Variants in COL5A2 observed in about 807,000 individuals in gnomAD.
The protein encoded by COL5A2 is collagen type V alpha 2 chain.
A neutral mutation model predicts 208.2 loss-of-function variants in COL5A2; 23 were observed. The observed-to-expected ratio is 0.11, with a 90% CI of 0.08 to 0.16. COL5A2 has a LOEUF of 0.16. Ranked by LOEUF, COL5A2 falls within the 10% of genes least tolerant of loss-of-function variation. COL5A2 has a pLI of 1.00. For synonymous variants in COL5A2, 625 were observed against 628.5 expected, an observed-to-expected ratio of 0.99 and a Z score of 0.08; for missense variants, 1,590 against 1,956.4, an observed-to-expected ratio of 0.81 and a Z score of 3.53.
At chr2:189,068,951 C>A (rs1025361112) in intron 18 of COL5A2, 67 bp from the exon 19 acceptor site, 18 of 1,132,522 alleles carry the variant, frequency 1.6e-5, no homozygotes, top group Non-Finnish European at 2.3e-5. Context: ...CAAAGTTGAC[C>A]GCTTATTTGG....
At chr2:189,402,482 G>A in the COL5A2 span, among the ~76,000 whole-genome samples, 1 of 152,158 alleles carries the variant, frequency 6.6e-6, no homozygotes, top group Non-Finnish European at 1.5e-5. Flanking sequence ...GCCCCCAAAG[G>A]GGCCAAGACA....
At chr2:189,160,417 CT>C (rs1358441377) in intron 1 of COL5A2, among the ~76,000 whole-genome samples, 2 of 152,092 alleles carry the variant, frequency 1.3e-5, no homozygotes, top group African/African-American at 4.8e-5. Context: ...TTTATCCCCC[CT>C]TTTTTTCTAT....
At chr2:189,139,634 A>T (rs1687897572) in intron 1 of COL5A2, among the ~76,000 whole-genome samples, 1 of 152,240 alleles carries the variant, frequency 6.6e-6, no homozygotes, top group Non-Finnish European at 1.5e-5. Flanking sequence ...GTTAATAGTA[A>T]AATATCAATA....
chr2:189,172,657 A>G lies in COL5A2; in HGVS notation c.97+6851T>C, dbSNP rs137897200. Reference sequence around the variant, plus strand: ...GTTCTCTCACATGATGGCTGGACCAAGCTTTATTATACTTGTTATACTACA... The same window carrying G: ...GTTCTCTCACATGATGGCTGGACCAGGCTTTATTATACTTGTTATACTACA... On this transcript the variant is annotated intron_variant, in intron 1 of 53. Coordinates refer to ENST00000374866, the MANE Select transcript of COL5A2 (RefSeq NM_000393.5). Among the ~76,000 whole-genome samples, 9 of 152,276 alleles carry G rather than the reference A, an allele frequency of 5.9e-5. No individual in the cohort carries two copies. In the East Asian group the frequency reaches 1.7e-3, roughly 29 times the overall value.
At position 189,033,954 on chromosome 2, in the gene COL5A2, A is replaced by AT; in HGVS notation, c.*115dup. ...ACTTAAGACCATATATACAATGCTG[A>AT]TGCAGGATCAGCCATTACTTCAAGA... On this transcript the variant is annotated 3_prime_UTR_variant, in exon 54 of 54. Transcript: ENST00000374866. The AT allele has an allele frequency of 1.5e-6, 2 of 1,355,486 alleles. No individual in the cohort carries two copies. Among genetic ancestry groups the AT allele is most frequent in the South Asian group, 2.3e-5 (2 of 85,296 alleles). The allele number at this position is 1,355,486 out of a possible 1,614,324, so 84.0% of individuals were successfully genotyped here. A position where few individuals can be genotyped will look rare whatever the true frequency, so the allele number is the denominator to read the frequency against.
the COL5A2 span, among the ~76,000 whole-genome samples, chr2:189,316,136 T>TATATCTTTG: frequency 6.6e-6 from 1 of 152,094 alleles, no homozygotes; most frequent in African/African-American, 2.4e-5. Context: ...GATAAATCAC[T>TATATCTTTG]CTGTTATAAA....
chr2:189,387,833 G>A, the COL5A2 span, among the ~76,000 whole-genome samples: 13 of 152,266 alleles, frequency 8.5e-5, no homozygotes, highest in East Asian at 1.4e-3. Flanking sequence ...ATAGAAAGAT[G>A]GGGTGCAATG....
intron 12 of COL5A2, among the ~76,000 whole-genome samples, chr2:189,083,726 T>C (rs892791408): frequency 1.3e-5 from 2 of 152,144 alleles, no homozygotes; most frequent in African/African-American, 4.8e-5. Context: ...GAAACTCAGT[T>C]TGGAGAGCAT....
the COL5A2 span, among the ~76,000 whole-genome samples, chr2:189,320,570 T>C: frequency 1.3e-5 from 2 of 152,106 alleles, no homozygotes; most frequent in South Asian, 2.1e-4. Context: ...GTATCAGTGA[T>C]TGAAGATCAA....
At chr2:189,254,489 G>C in the COL5A2 span, among the ~76,000 whole-genome samples, 1 of 152,218 alleles carries the variant, frequency 6.6e-6, no homozygotes, top group Non-Finnish European at 1.5e-5. Context: ...AGGGCAGCCA[G>C]CCAAACACAT....
the COL5A2 span, among the ~76,000 whole-genome samples, chr2:189,321,885 C>G: frequency 6.6e-6 from 1 of 152,218 alleles, no homozygotes; most frequent in South Asian, 2.1e-4. Flanking sequence ...TTCTTCTCAG[C>G]ACCACATCGC....
chr2:189,157,764 G>A (rs947514049), intron 1 of COL5A2, among the ~76,000 whole-genome samples: 3 of 151,844 alleles, frequency 2.0e-5, no homozygotes, highest in African/African-American at 7.2e-5. Context: ...TATTTCCTCT[G>A]GTATGTCTTG....
chr2:189,034,482 C>T (rs1685401606), intron 53 of COL5A2, among the ~76,000 whole-genome samples: 1 of 152,094 alleles, frequency 6.6e-6, no homozygotes, highest in African/African-American at 2.4e-5. Context: ...TTGTTTTTCA[C>T]AAATGAAACT....
At chr2:189,080,218 A>C (rs1198811326) in intron 13 of COL5A2, among the ~76,000 whole-genome samples, 187 bp from the exon 14 acceptor site, 1 of 152,196 alleles carries the variant, frequency 6.6e-6, no homozygotes, top group Non-Finnish European at 1.5e-5. Context: ...TAGAGTTTTC[A>C]CCTTTAAATA....
chr2:189,192,707 C>G (rs1447859731), intron 1 of COL5A2, among the ~76,000 whole-genome samples: 1 of 152,150 alleles, frequency 6.6e-6, no homozygotes, highest in Non-Finnish European at 1.5e-5. Context: ...AGTGTATTTT[C>G]AATGGGTAAA....
chr2:189,347,648 C>A, the COL5A2 span, among the ~76,000 whole-genome samples: 1 of 152,092 alleles, frequency 6.6e-6, no homozygotes, highest in African/African-American at 2.4e-5. Flanking sequence ...CTGCCATGGA[C>A]TTATTTTTAA....
chr2:189,357,400 G>A, the COL5A2 span, among the ~76,000 whole-genome samples: 2 of 152,152 alleles, frequency 1.3e-5, no homozygotes, highest in Admixed American at 6.5e-5. Flanking sequence ...TTCCTGACTG[G>A]GGCTACTGCC....
intron 29 of COL5A2, 64 bp from the exon 30 acceptor site, chr2:189,061,679 T>C: frequency 1.7e-6 from 2 of 1,167,528 alleles, no homozygotes; most frequent in South Asian, 1.2e-5. Context: ...CCTCTCTACG[T>C]GAACCACTAG....
At chr2:189,120,445 A>G (rs1421793544) in intron 1 of COL5A2, among the ~76,000 whole-genome samples, 1 of 152,152 alleles carries the variant, frequency 6.6e-6, no homozygotes, top group East Asian at 1.9e-4. Flanking sequence ...ATTAACTACA[A>G]CTAAGTCTGG....
Sources: allele counts gnomAD v4.1 joint callset (sites outside exome capture counted in the v4.1 genomes callset), GRCh38; gene constraint gnomAD v4.1.1; transcripts MANE v1.5; gene names NCBI Gene and HGNC (gene_info 2026-07-23, HGNC 2026-07-21).